The following PABPC4 variants were observed in gnomAD, a reference collection of about 807,000 sequenced individuals.
PABPC4 encodes polyadenylate-binding protein 4.
PABPC4 carries 15 observed loss-of-function variants against 74.5 expected under a neutral mutation model. That is an observed-to-expected ratio of 0.20 (90% confidence interval 0.13 to 0.31). The LOEUF (loss-of-function observed/expected upper bound fraction) is 0.31. PABPC4 is among the 10% of genes least tolerant of loss of function. The pLI is 1.00. For synonymous variants in PABPC4, 345 were observed against 303.0 expected (o/e 1.14, Z -1.44); for missense variants, 610 against 853.5 (o/e 0.71, Z 3.55).
At chr1:39,567,649 AG>A in intron 7 of PABPC4, 101 bp downstream of exon 7, 1 of 737,534 alleles carries the variant, frequency 1.4e-6, no homozygotes, top group Non-Finnish European at 2.4e-6. Context: ...AGCTACTTTC[AG>A]AAATGAACAT....
At chr1:39,562,292 C>G in intron 13 of PABPC4, 31 bp downstream of exon 13, 1 of 1,612,056 alleles carries the variant, frequency 6.2e-7, no homozygotes, top group Non-Finnish European at 8.5e-7. Context: ...CTCTGGGACC[C>G]TCTTCTTCTG....
At position 39,576,027 on chromosome 1, in the gene PABPC4, T is replaced by TCGCAGC. The variant is rs2124021933; in HGVS notation, c.-77_-76insGCTGCG. The TCGCAGC allele has an allele frequency of 2.0e-6, 2 of 1,020,004 alleles. No individual in the cohort carries two copies. The highest frequency in any genetic ancestry group is 2.7e-6 in the Non-Finnish European group (2 of 747,990). The allele number at this position is 1,020,004 out of a possible 1,614,324, so 63.2% of individuals were successfully genotyped here. A position where few individuals can be genotyped will look rare whatever the true frequency, so the allele number is the denominator to read the frequency against. On this transcript the variant is annotated 5_prime_UTR_variant, in exon 1 of 16. Transcript: ENST00000372858. ...CCCGCCGCAGGACAAAGGGGCGCCTTCGGAGCCCGGGCCCGCGCCGCGGCT... is the reference window on the plus strand; with the variant it reads ...CCCGCCGCAGGACAAAGGGGCGCCTTCGCAGCCGGAGCCCGGGCCCGCGCCGCGGCT...
chr1:39,562,260 T>A, intron 13 of PABPC4, 57 bp from the exon 14 acceptor site: 10 of 1,606,542 alleles, frequency 6.2e-6, no homozygotes, highest in Non-Finnish European at 8.5e-6. Flanking sequence ...CAATGGACAC[T>A]GGTGTCCTAG....
chr1:39,563,367 A>G (rs1192816152), intron 12 of PABPC4: 1 of 475,456 alleles, frequency 2.1e-6, no homozygotes, highest in African/African-American at 2.0e-5. Flanking sequence ...TTTCGTACAA[A>G]CAGAAGAGGA....
At chr1:39,571,415 G>T (rs1485995288) in intron 2 of PABPC4, 66 bp from the exon 3 acceptor site, 1 of 1,587,256 alleles carries the variant, frequency 6.3e-7, no homozygotes, top group East Asian at 2.2e-5. Flanking sequence ...GAACCTCAGG[G>T]TATCTTGTGC....
intron 5 of PABPC4, 191 bp downstream of exon 5, chr1:39,569,404 G>A: frequency 5.0e-6 from 3 of 599,532 alleles, no homozygotes; most frequent in Non-Finnish European, 9.0e-6. Context: ...ACAGGTATGT[G>A]CCAAGTGCTT....
In PABPC4 at chr1:39,563,726, A is replaced by T. The variant is rs1009352296; in HGVS notation, c.1556T>A (p.Val519Glu). Reference sequence around the variant, plus strand: ...AGCAGCGCGTGGCGCTAAGTTCTGCACAGCTGTGGGAACGCCTTAGGGAAA... The same window carrying T: ...AGCAGCGCGTGGCGCTAAGTTCTGCTCAGCTGTGGGAACGCCTTAGGGAAA... ...SCQSGGVPTA[V>E]QNLAPRAAVA... The change falls in exon 12 of 16, where the codon GTG becomes GAG. Residue 519 changes from valine to glutamate, a missense_variant. Coordinates refer to ENST00000372858, the MANE Select transcript of PABPC4 (RefSeq NM_001135653.2). The T allele has an allele frequency of 6.2e-7, 1 of 1,614,120 alleles. No individual in the cohort carries two copies.
chr1:39,566,199 G>A (rs1299000777), intron 7 of PABPC4, among the ~76,000 whole-genome samples: 3 of 152,204 alleles, frequency 2.0e-5, no homozygotes, highest in Admixed American at 1.3e-4. Context: ...CATCTTGAGA[G>A]TAGTACTGAG....
intron 1 of PABPC4, 33 bp from the exon 2 acceptor site, chr1:39,572,619 G>A: frequency 6.4e-7 from 1 of 1,559,738 alleles, no homozygotes; most frequent in Non-Finnish European, 8.8e-7. Context: ...AATAAGGAGA[G>A]AAAACGTCAG....
intron 1 of PABPC4, among the ~76,000 whole-genome samples, chr1:39,573,400 G>C (rs1052280998): frequency 6.6e-6 from 1 of 152,184 alleles, no homozygotes; most frequent in Non-Finnish European, 1.5e-5. Context: ...AGCCTTAATG[G>C]AAGTTCTGTA....
intron 1 of PABPC4, among the ~76,000 whole-genome samples, chr1:39,573,492 C>A (rs556919924): frequency 1.3e-5 from 2 of 152,182 alleles, no homozygotes; most frequent in Admixed American, 1.3e-4. Context: ...GCTTCCCAAC[C>A]AAGTCCGTGT....
chr1:39,566,770 A>T, intron 7 of PABPC4, among the ~76,000 whole-genome samples: 1 of 152,276 alleles, frequency 6.6e-6, no homozygotes, highest in East Asian at 1.9e-4. Flanking sequence ...CTTGACTACT[A>T]GGCAGATAAG....
chr1:39,574,476 C>T (rs1028233008), intron 1 of PABPC4, among the ~76,000 whole-genome samples: 1 of 152,238 alleles, frequency 6.6e-6, no homozygotes, highest in Non-Finnish European at 1.5e-5. Context: ...CTTCTGCTAT[C>T]TCTAAGTGAC....
rs745554805 is a variant in PABPC4 at position 39,561,097 on chromosome 1, A to T, written c.*39T>A. 5 of 470,748 alleles carry T rather than the reference A, an allele frequency of 1.1e-5. No homozygotes were observed. Among genetic ancestry groups the T allele is most frequent in the South Asian group, 6.2e-5 (4 of 64,542 alleles). 29.2% of individuals were successfully genotyped at this position (470,748 alleles called of 1,614,324 possible). On this transcript the variant is annotated 3_prime_UTR_variant, in exon 16 of 16. Transcript: ENST00000372858. ...GTCTTCAAACCTTGAGTTGAATTCCATAAGGGGTTATTTGGCTTTTGAATC... is the reference window on the plus strand; with the variant it reads ...GTCTTCAAACCTTGAGTTGAATTCCTTAAGGGGTTATTTGGCTTTTGAATC...
Position 39,564,405 on chromosome 1 carries a change from A to C in PABPC4, c.1453+18T>G, listed in dbSNP as rs563544083. 2.7e-5 allele frequency: 43 copies of C among 1,612,252 alleles called. No individual in the cohort carries two copies. In the African/African-American group the frequency reaches 5.5e-4, roughly 21 times the overall value. The stretch of plus-strand genomic sequence containing the variant: ...TCCCTCCTCCCCAGGCCACACTTCT[A>C]AAGGCCAGTTTGCTCACCGACTCTC... On this transcript the variant is annotated intron_variant, in intron 10 of 15. Transcript: ENST00000372858.
intron 7 of PABPC4, 30 bp downstream of exon 7, chr1:39,567,721 G>T: frequency 9.4e-7 from 1 of 1,066,614 alleles, no homozygotes; most frequent in Non-Finnish European, 1.5e-6. Context: ...GAATACCACT[G>T]CTTTCAATCC....
intron 10 of PABPC4, 155 bp downstream of exon 10, chr1:39,564,268 C>T (rs2124442273): frequency 1.3e-6 from 1 of 778,704 alleles, no homozygotes; most frequent in Non-Finnish European, 2.0e-6. Context: ...CATACTGTTT[C>T]TCTGCTCCTG....
At position 39,569,941 on chromosome 1, in the gene PABPC4, C is replaced by T. The variant is rs201559062; in HGVS notation, c.565G>A (p.Glu189Lys). The change falls in exon 4 of 16, where the codon GAA (glutamate) becomes AAA (lysine). Residue 189 changes from glutamate to lysine, a missense_variant. By Grantham distance (56) the Glu-to-Lys change is moderately conservative. Around this residue, in one of 4 missense-constraint regions of PABPC4, gnomAD observed 304 missense variants for 478.9 expected, o/e 0.63. Coordinates refer to ENST00000372858, the MANE Select transcript of PABPC4 (RefSeq NM_001135653.2). ...TTTTTGATATAAACATTGGTGAATTCCTTGGCTTTGGCTCCAAGCTCAGCT... is the reference window on the plus strand; with the variant it reads ...TTTTTGATATAAACATTGGTGAATTTCTTGGCTTTGGCTCCAAGCTCAGCT... ...REAELGAKAK[E>K]FTNVYIKNFG... is the part of the protein sequence containing the mutation. The T allele has an allele frequency of 1.9e-6, 3 of 1,614,052 alleles. No homozygotes were observed. Among genetic ancestry groups the T allele is most frequent in the Non-Finnish European group, 2.5e-6 (3 of 1,180,010 alleles).
Position 39,569,746 on chromosome 1 carries a change from G to A in PABPC4, c.644-57C>T, listed in dbSNP as rs1645909946. On this transcript the variant is annotated intron_variant, in intron 4 of 15. Transcript: ENST00000372858. Reference sequence around the variant, plus strand: ...CCATCTTGAGCACAGCTCAGGAACAGAAGGCTTCCCTCTGGAAACTCACTT... The same window carrying A: ...CCATCTTGAGCACAGCTCAGGAACAAAAGGCTTCCCTCTGGAAACTCACTT... The A allele has an allele frequency of 6.3e-6, 10 of 1,583,044 alleles. No individual in the cohort carries two copies. The South Asian group carries it at 8.8e-5, about 14-fold the overall frequency.
Sources: gnomAD v4.1 joint callset for allele counts (sites outside exome capture counted in the v4.1 genomes callset) on GRCh38, gnomAD v4.1.1 for gene constraint, gnomAD v4.1.1 regional missense constraint, MANE v1.5 for transcripts, NCBI Gene and HGNC (gene_info 2026-07-23, HGNC 2026-07-21) for gene names.